PLPP4: variants seen among roughly 807,000 people sequenced by gnomAD.
PLPP4 encodes diacylglycerol pyrophosphate like 2.
A neutral mutation model predicts 32.2 loss-of-function variants in PLPP4; 20 were observed. That is an observed-to-expected ratio of 0.62 (90% CI 0.44 to 0.90). The LOEUF is 0.90. Among genes scored for constraint, PLPP4 ranks in the 40% least tolerant of loss-of-function variants. The probability of loss-of-function intolerance (pLI) is 0.00; values close to 1 mark genes in which losing one functional copy is unlikely to be tolerated. For missense variants in PLPP4, 257 were observed against 353.1 expected, an observed-to-expected ratio of 0.73 and a Z score of 2.18; for synonymous variants, 127 against 133.0, an observed-to-expected ratio of 0.95 and a Z score of 0.31.
At chr10:120,461,252 T>C (rs1465724360) in intron 1 of PLPP4, among the ~76,000 whole-genome samples, 1 of 152,226 alleles carries the variant, frequency 6.6e-6, no homozygotes, top group Admixed American at 6.5e-5. Context: ...TCAATTGTAG[T>C]AGTAAGAAAC....
chr10:120,459,508 T>C (rs1013868981), intron 1 of PLPP4, among the ~76,000 whole-genome samples: 28 of 152,178 alleles, frequency 1.8e-4, no homozygotes. Flanking sequence ...AGGCTGACTT[T>C]TGGGGGAAGT....
chr10:120,475,246 T>TA (rs1843846138), intron 1 of PLPP4, among the ~76,000 whole-genome samples: 1 of 151,606 alleles, frequency 6.6e-6, no homozygotes, highest in Non-Finnish European at 1.5e-5. Context: ...TTTTTTTTTT[T>TA]AAGAAGATTT....
intron 5 of PLPP4, among the ~76,000 whole-genome samples, chr10:120,572,998 A>G (rs1190091220): frequency 6.6e-6 from 1 of 152,174 alleles, no homozygotes; most frequent in Non-Finnish European, 1.5e-5. Context: ...TATTCATCAG[A>G]CCTAACTCTG....
At chr10:120,558,551 G>A (rs1033410342) in intron 5 of PLPP4, among the ~76,000 whole-genome samples, 6 of 151,788 alleles carry the variant, frequency 4.0e-5, no homozygotes, top group Admixed American at 3.9e-4. Context: ...GAGTAGCTGG[G>A]ATTACAGGTG....
At chr10:120,543,734 A>G (rs1441694574) in intron 5 of PLPP4, among the ~76,000 whole-genome samples, 2 of 152,140 alleles carry the variant, frequency 1.3e-5, no homozygotes, top group East Asian at 3.9e-4. Flanking sequence ...CATCTTGCAG[A>G]ACTAAAACTC....
At chr10:120,457,450 C>A in intron 1 of PLPP4, 89 bp downstream of exon 1, 2 of 1,228,678 alleles carry the variant, frequency 1.6e-6, no homozygotes, top group Non-Finnish European at 2.2e-6. Flanking sequence ...TTTGCGCAGC[C>A]GCTTCCCACT....
chr10:120,556,413 A>G (rs879621081), intron 5 of PLPP4, among the ~76,000 whole-genome samples: 30 of 152,198 alleles, frequency 2.0e-4, no homozygotes, highest in Non-Finnish European at 3.1e-4. Context: ...TTTAACTTAA[A>G]CTATTTCTGG....
intron 5 of PLPP4, among the ~76,000 whole-genome samples, chr10:120,544,887 A>T (rs1285156726): frequency 6.6e-6 from 1 of 152,236 alleles, no homozygotes; most frequent in East Asian, 1.9e-4. Context: ...GAATAGGATG[A>T]TGCCCAGGCC....
intron 1 of PLPP4, among the ~76,000 whole-genome samples, chr10:120,471,365 G>C (rs1290927814): frequency 1.3e-5 from 2 of 151,644 alleles, no homozygotes; most frequent in Non-Finnish European, 2.9e-5. Flanking sequence ...TAGCTCAAGT[G>C]TTCTTTGCTA....
chr10:120,457,513 G>A (rs1589695205), intron 1 of PLPP4, 152 bp downstream of exon 1: 4 of 590,354 alleles, frequency 6.8e-6, no homozygotes, highest in Middle Eastern at 3.1e-4. Context: ...CGTGTCCTAC[G>A]GGACCAAGAG....
intron 1 of PLPP4, among the ~76,000 whole-genome samples, chr10:120,459,057 A>G (rs1392981839): frequency 6.6e-6 from 1 of 152,144 alleles, no homozygotes; most frequent in African/African-American, 2.4e-5. Flanking sequence ...CCCTTCCAAT[A>G]TCCCCCCCAA....
chr10:120,529,192 G>GTGTGTGTGCGTGCA (rs1315453255), intron 5 of PLPP4, among the ~76,000 whole-genome samples: 3 of 151,354 alleles, frequency 2.0e-5, no homozygotes, highest in Non-Finnish European at 1.5e-5. Context: ...GTGCGTGTGT[G>GTGTGTGTGCGTGCA]TGTGTGTGTG....
At chr10:120,581,448 C>A (rs1849505089) in intron 6 of PLPP4, 1 of 298,390 alleles carries the variant, frequency 3.4e-6, no homozygotes, top group Non-Finnish European at 5.0e-6. Context: ...CCTGCGTTAG[C>A]ACATGTCACT....
At chr10:120,486,811 C>T (rs930454427) in intron 1 of PLPP4, among the ~76,000 whole-genome samples, 10 of 152,214 alleles carry the variant, frequency 6.6e-5, no homozygotes, top group South Asian at 6.2e-4. Context: ...AATGGTGTGA[C>T]GAGCTTGTTA....
At chr10:120,568,389 T>C (rs972286661) in intron 5 of PLPP4, among the ~76,000 whole-genome samples, 1 of 152,186 alleles carries the variant, frequency 6.6e-6, no homozygotes, top group Non-Finnish European at 1.5e-5. Flanking sequence ...CAGGAGGAGT[T>C]GAGGCTACTC....
intron 1 of PLPP4, 24 bp downstream of exon 1, chr10:120,457,385 A>G (rs778854590): frequency 2.0e-6 from 3 of 1,526,866 alleles, no homozygotes; most frequent in Admixed American, 2.1e-5. Flanking sequence ...CACCGCGGGC[A>G]GGGCGCACTG....
intron 1 of PLPP4, among the ~76,000 whole-genome samples, chr10:120,485,051 G>A (rs1305606380): frequency 6.6e-6 from 1 of 152,218 alleles, no homozygotes; most frequent in Non-Finnish European, 1.5e-5. Context: ...AGGCAAGGAA[G>A]TAGATTCTAT....
intron 5 of PLPP4, among the ~76,000 whole-genome samples, chr10:120,563,723 C>G (rs1244592150): frequency 7.8e-6 from 1 of 128,432 alleles, no homozygotes; most frequent in African/African-American, 2.9e-5. Flanking sequence ...TGGCGTGAAC[C>G]CAGGAAGCGG....
intron 3 of PLPP4, among the ~76,000 whole-genome samples, chr10:120,516,386 G>C (rs1388558716): frequency 6.6e-6 from 1 of 152,214 alleles, no homozygotes; most frequent in Non-Finnish European, 1.5e-5. Flanking sequence ...TGTGCATCTG[G>C]CATTGGATGA....
Sources: gnomAD v4.1 joint callset for allele counts (sites outside exome capture counted in the v4.1 genomes callset) on GRCh38, gnomAD v4.1.1 for gene constraint, MANE v1.5 for transcripts, NCBI Gene and HGNC (gene_info 2026-07-23, HGNC 2026-07-21) for gene names.